Variants in CLDN16 observed in about 807,000 individuals in gnomAD.
The protein encoded by CLDN16 is claudin 16.
CLDN16 carries 13 observed loss-of-function variants against 24.6 expected under a neutral mutation model. The observed-to-expected ratio is 0.53, with a 90% CI of 0.34 to 0.84. CLDN16 has a LOEUF of 0.84. Among genes scored for constraint, CLDN16 ranks in the 40% least tolerant of loss-of-function variants. The probability of loss-of-function intolerance (pLI) is 0.01; values close to 1 mark genes in which losing one functional copy is unlikely to be tolerated. For synonymous variants in CLDN16, 116 were observed against 106.7 expected (o/e 1.09, Z -0.54); for missense variants, 298 against 292.7 (o/e 1.02, Z -0.13).
intron 1 of CLDN16, among the ~76,000 whole-genome samples, chr3:190,337,797 T>G (rs1202039482): frequency 6.6e-6 from 1 of 152,178 alleles, no homozygotes; most frequent in African/African-American, 2.4e-5. Flanking sequence ...CAGAGAGAGA[T>G]ATTGGATAGC....
chr3:190,361,196 A>G lies in CLDN16; in HGVS notation n.122-9697A>G, dbSNP rs536596242. 6.6e-5 allele frequency among the ~76,000 whole-genome samples: 10 copies of G among 152,158 alleles called. No homozygotes were observed. The South Asian group carries it at 1.4e-3, about 22-fold the overall frequency. Reference sequence around the variant, plus strand: ...GCACCCACTATGTGCTAGTCACTCAATAGGCACTGAGAGCTCACAGTCTTT... The same window carrying G: ...GCACCCACTATGTGCTAGTCACTCAGTAGGCACTGAGAGCTCACAGTCTTT... On this transcript the variant is annotated intron_variant and non_coding_transcript_variant, in intron 1 of 4. Transcript: ENST00000468220.
At chr3:190,310,099 C>A in the CLDN16 span, 1 of 1,269,160 alleles carries the variant, frequency 7.9e-7, no homozygotes, top group East Asian at 2.3e-5. Flanking sequence ...ATGGCACTAG[C>A]AGGACTTTGT....
rs1317860117 is a variant in CLDN16, at chr3:190,408,484, T to A, written c.553T>A (p.Cys185Ser). 2 of 1,614,090 alleles carry A rather than the reference T, an allele frequency of 1.2e-6. No homozygotes were observed. The highest frequency in any genetic ancestry group is 1.7e-6 in the Non-Finnish European group (2 of 1,179,982). ...CTTTTTGGCTGGAGCTGTTCTCACC[T>A]GCTGCTTATATCTTTTTAAAGGTAA... ...GCFLAGAVLT[C>S]CLYLFKDVGP... Residue 185 changes from cysteine to serine, a missense_variant, in exon 4 of 5, where the codon TGC becomes AGC. Coordinates refer to ENST00000264734, the MANE Select transcript of CLDN16 (RefSeq NM_006580.4).
chr3:190,317,398 C>T, the CLDN16 span, among the ~76,000 whole-genome samples: 1 of 152,124 alleles, frequency 6.6e-6, no homozygotes, highest in Non-Finnish European at 1.5e-5. Context: ...TCATTTTCCA[C>T]CTGAAAGTAG....
At chr3:190,409,862 G>A (rs1560100356) in intron 4 of CLDN16, 41 bp from the exon 5 acceptor site, 8 of 1,597,460 alleles carry the variant, frequency 5.0e-6, no homozygotes, top group Non-Finnish European at 6.0e-6. Flanking sequence ...ATTTTCCCAA[G>A]TTCACTGAGT....
chr3:190,296,854 T>A, the CLDN16 span, among the ~76,000 whole-genome samples: 52 of 152,224 alleles, frequency 3.4e-4, 1 homozygote, highest in South Asian at 4.8e-3. Context: ...CCGGCCCAGA[T>A]TTAATTTTAA....
chr3:190,362,644 T>C (rs897131655), intron 1 of CLDN16, among the ~76,000 whole-genome samples: 6 of 152,028 alleles, frequency 3.9e-5, no homozygotes, highest in African/African-American at 1.4e-4. Context: ...AGTTGGGCAG[T>C]TACATTAGTT....
At chr3:190,353,686 C>CTA (rs1242025725) in intron 1 of CLDN16, among the ~76,000 whole-genome samples, 1 of 152,032 alleles carries the variant, frequency 6.6e-6, no homozygotes, top group Non-Finnish European at 1.5e-5. Flanking sequence ...ATTTAGTTAT[C>CTA]TATAGTTGGC....
chr3:190,367,993 G>A (rs1001901639), intron 1 of CLDN16, among the ~76,000 whole-genome samples: 1 of 151,714 alleles, frequency 6.6e-6, no homozygotes, highest in African/African-American at 2.4e-5. Context: ...TTTACGTTGG[G>A]TCCTGATGTG....
upstream of CLDN16, among the ~76,000 whole-genome samples, chr3:190,317,962 T>C (rs1303237370): frequency 6.6e-6 from 1 of 152,216 alleles, no homozygotes; most frequent in Non-Finnish European, 1.5e-5. Flanking sequence ...ATTGGGTGAC[T>C]AGAACAAAAA....
chr3:190,302,103 T>G, the CLDN16 span, among the ~76,000 whole-genome samples: 4 of 152,230 alleles, frequency 2.6e-5, no homozygotes, highest in Non-Finnish European at 5.9e-5. Flanking sequence ...TTGTACGTGA[T>G]TCTACCTTGG....
Position 190,371,044 on chromosome 3 carries a change from T to A in CLDN16, n.230+43T>A, listed in dbSNP as rs1223911165. 3.6e-5 allele frequency: 5 copies of A among 137,288 alleles called. 1 individual carries two copies. The highest frequency in any genetic ancestry group is 1.4e-4 in the African/African-American group (5 of 36,978). The allele number at this position is 137,288 out of a possible 1,614,324, so 8.5% of individuals were successfully genotyped here. A position where few individuals can be genotyped will look rare whatever the true frequency, so the allele number is the denominator to read the frequency against. On this transcript the variant is annotated intron_variant and non_coding_transcript_variant, in intron 2 of 4. Transcript: ENST00000468220. The stretch of plus-strand genomic sequence containing the variant: ...TATATATATATATATATATATAAAA[T>A]ATATATGCATATATAAATTTATATA...
upstream of CLDN16, among the ~76,000 whole-genome samples, chr3:190,387,487 G>A (rs1197013271): frequency 3.3e-5 from 5 of 152,016 alleles, no homozygotes; most frequent in South Asian, 4.1e-4. Context: ...TATTCTAAGC[G>A]ACTTACAGGC....
chr3:190,391,841 C>G (rs889559318), intron 1 of CLDN16, among the ~76,000 whole-genome samples: 1 of 152,132 alleles, frequency 6.6e-6, no homozygotes, highest in Admixed American at 6.5e-5. Context: ...TGACTAGAGG[C>G]CCTCAGCTAC....
chr3:190,367,894 C>T (rs965731996), intron 1 of CLDN16, among the ~76,000 whole-genome samples: 11 of 152,034 alleles, frequency 7.2e-5, no homozygotes, highest in African/African-American at 9.6e-5. Context: ...CTCCCCCTTT[C>T]CTTCCCAAAA....
upstream of CLDN16, among the ~76,000 whole-genome samples, chr3:190,387,346 T>C (rs1313503144): frequency 7.2e-6 from 1 of 138,498 alleles, no homozygotes; most frequent in Middle Eastern, 3.5e-3. Context: ...AAACACACTT[T>C]CTTCCTAATA....
the CLDN16 span, chr3:190,312,787 C>A: frequency 2.0e-6 from 3 of 1,494,192 alleles, no homozygotes; most frequent in Non-Finnish European, 2.8e-6. Context: ...AGACTGAAAT[C>A]AAGTATAATG....
At chr3:190,297,822 A>G in the CLDN16 span, among the ~76,000 whole-genome samples, 1 of 150,922 alleles carries the variant, frequency 6.6e-6, no homozygotes, top group Non-Finnish European at 1.5e-5. Flanking sequence ...TCTCATTTAC[A>G]AAGGACATTC....
At chr3:190,387,046 G>A (rs968578378), upstream of CLDN16, among the ~76,000 whole-genome samples, 10 of 151,956 alleles carry the variant, frequency 6.6e-5, no homozygotes, top group African/African-American at 2.2e-4. Context: ...CCTTTTCTCT[G>A]CTCCTTTCTT....
Sources: allele counts gnomAD v4.1 joint callset (sites outside exome capture counted in the v4.1 genomes callset), GRCh38; gene constraint gnomAD v4.1.1; transcripts MANE v1.5; gene names NCBI Gene and HGNC (gene_info 2026-07-23, HGNC 2026-07-21).